TINF2: variants seen among roughly 807,000 people sequenced by gnomAD.
TINF2 encodes TERF1 interacting nuclear factor 2, also known as TERF1-interacting nuclear factor 2.
In TINF2, 27 loss-of-function variants were observed where a neutral mutation model predicts 50.4. The observed-to-expected ratio is 0.54, with a 90% CI of 0.40 to 0.74. The LOEUF (loss-of-function observed/expected upper bound fraction) is 0.74. Among genes scored for constraint, TINF2 ranks in the 30% least tolerant of loss-of-function variants. The pLI is 0.00. For synonymous variants in TINF2, 223 were observed against 214.6 expected (o/e 1.04, Z -0.34); for missense variants, 496 against 551.5 (o/e 0.90, Z 1.01).
intron 3 of TINF2, 173 bp downstream of exon 3, chr14:24,241,502 A>T (rs2040578108): frequency 1.3e-6 from 1 of 798,350 alleles, no homozygotes. Context: ...TTGTAATCCC[A>T]GCTACTCGGG....
chr14:24,241,386 T>C (rs1036437582), intron 3 of TINF2, 75 bp from the exon 4 acceptor site: 1 of 1,470,248 alleles, frequency 6.8e-7, no homozygotes, highest in African/African-American at 1.4e-5. Context: ...TCCTGGCCAT[T>C]TGGGAGGCCG....
Position 24,240,251 on chromosome 14 carries a change from C to CA in TINF2, c.1129+11dup. On this transcript the variant is annotated intron_variant, in intron 7 of 8. Transcript: ENST00000267415. ...GGAGGCTGTTGATCCAATCCTGACT[C>CA]AGACTACCTACCTGGCTTCCTGGCC... 1.9e-6 allele frequency: 3 copies of CA among 1,614,050 alleles called. No individual in the cohort carries two copies. Among genetic ancestry groups the CA allele is most frequent in the Non-Finnish European group, 2.5e-6 (3 of 1,180,008 alleles).
Position 24,240,661 on chromosome 14 carries a change from G to A in TINF2, c.819C>T (p.Ala273=), listed in dbSNP as rs376845893. The change falls in exon 6 of 9, where the codon GCC becomes GCT. Residue 273 remains alanine, a synonymous_variant. Coordinates refer to ENST00000267415, the MANE Select transcript of TINF2 (RefSeq NM_001099274.3). ...LGRRRVQSQW[A]STRGGHKERP... ...GCTCCTTATGGCCTCCCCTAGTGGA[G>A]GCCCATTGGGACTGAACTCTTCGTC... The A allele has an allele frequency of 1.3e-4, 217 of 1,614,070 alleles. No homozygotes were observed. Among genetic ancestry groups the A allele is most frequent in the Non-Finnish European group, 1.8e-4 (208 of 1,180,044 alleles).
chr14:24,242,156 C>T lies in TINF2; in HGVS notation c.177G>A (p.Met59Ile), dbSNP rs766400727. 1.2e-6 allele frequency: 2 copies of T among 1,614,146 alleles called. No homozygotes were observed. Among genetic ancestry groups the T allele is most frequent in the Non-Finnish European group, 1.7e-6 (2 of 1,180,050 alleles). Reference sequence around the variant, plus strand: ...GCTCCAATACCTTGGCCTTTAGGCCCATACAAAGGCGTTCGTGGTGCCGGT... The same window carrying T: ...GCTCCAATACCTTGGCCTTTAGGCCTATACAAAGGCGTTCGTGGTGCCGGT... ...VRYRHHERLC[M>I]GLKAKVVVEL... is the part of the protein sequence containing the mutation. Residue 59 changes from methionine (M) to isoleucine (I), a missense_variant, in exon 1 of 9, where the codon ATG becomes ATA. Physicochemically the swap from Met to Ile is conservative, Grantham distance 10 (BLOSUM62 1). This residue lies in a region of TINF2 where 314 missense variants were observed against 343.8 expected (regional missense o/e 0.91). Transcript: ENST00000267415.
At position 24,239,660 on chromosome 14, in the gene TINF2, TTTAA is replaced by T; in HGVS notation, c.*133_*136del. On this transcript the variant is annotated 3_prime_UTR_variant, in exon 9 of 9. Transcript: ENST00000267415. ...AGGCAGTATTTTAACAAATCCAAAGTTTAATTATTAAGGATTACAAATATTTTTA... is the reference window on the plus strand; with the variant it reads ...AGGCAGTATTTTAACAAATCCAAAGTTTATTAAGGATTACAAATATTTTTA... 6.4e-7 allele frequency: 1 copy of T among 1,567,022 alleles called. No individual in the cohort carries two copies. The highest frequency in any genetic ancestry group is 8.6e-7 in the Non-Finnish European group (1 of 1,159,766).
rs775877509 is a variant in TINF2, at chr14:24,241,880, G to A, written c.297+10C>T. On this transcript the variant is annotated intron_variant, in intron 2 of 8. Transcript: ENST00000267415. ...AACTGGGGTCAGGGCTTGTTCCGGG[G>A]ATTACTCACAGCCTTGGGATCCCGC... 2 of 1,614,176 alleles carry A rather than the reference G, an allele frequency of 1.2e-6. No homozygotes were observed. Among genetic ancestry groups the A allele is most frequent in the African/African-American group, 1.3e-5 (1 of 75,046 alleles).
intron 1 of TINF2, 64 bp downstream of exon 1, chr14:24,242,077 T>A: frequency 1.2e-6 from 2 of 1,614,102 alleles, no homozygotes; most frequent in Non-Finnish European, 8.5e-7. Flanking sequence ...TGTGGGCCCT[T>A]GTCAGGTGCT....
rs1408000106 is a variant in TINF2 at position 24,241,976 on chromosome 14, G to T, written c.211C>A (p.Leu71Met). ...ACTTGGGCCCAAGGCCGGCCCTGCAGGATCAGCTCCACCACCACCTGTACG... is the reference window on the plus strand; with the variant it reads ...ACTTGGGCCCAAGGCCGGCCCTGCATGATCAGCTCCACCACCACCTGTACG... ...LKAKVVVELI[L>M]QGRPWAQVLK... Residue 71 changes from leucine to methionine, a missense_variant, in exon 2 of 9, where the codon CTG (leucine) becomes ATG (methionine). Coordinates refer to ENST00000267415, the MANE Select transcript of TINF2 (RefSeq NM_001099274.3). 3 of 1,614,114 alleles carry T rather than the reference G, an allele frequency of 1.9e-6. No individual in the cohort carries two copies. In the Admixed American group the frequency reaches 5.0e-5, roughly 27 times the overall value.
intron 8 of TINF2, 26 bp from the exon 9 acceptor site, chr14:24,239,957 C>A: frequency 6.2e-7 from 1 of 1,614,156 alleles, no homozygotes; most frequent in Non-Finnish European, 8.5e-7. Flanking sequence ...CAGGGAGAGC[C>A]TACTATCCGA....
Position 24,240,052 on chromosome 14 carries a change from CT to C in TINF2, c.1221+11del, listed in dbSNP as rs772623109. On this transcript the variant is annotated intron_variant, in intron 8 of 8. Transcript: ENST00000267415. ...CATCCCCTTTCCCAGCTTTCTGCTC[CT>C]TCCCACTCACCTTTCCTTCCCCCTG... 2.5e-6 allele frequency: 4 copies of C among 1,614,076 alleles called. No homozygotes were observed. In the East Asian group the frequency reaches 8.9e-5, roughly 36 times the overall value.
chr14:24,242,095 C>T, intron 1 of TINF2, 46 bp downstream of exon 1: 1 of 1,614,110 alleles, frequency 6.2e-7, no homozygotes, highest in Non-Finnish European at 8.5e-7. Context: ...GCTCGCATCC[C>T]GCCCCTTTCT....
Position 24,242,607 on chromosome 14 carries a change from G to T in TINF2, c.-275C>A. The T allele has an allele frequency of 1.5e-6, 2 of 1,290,796 alleles. No individual in the cohort carries two copies. Among genetic ancestry groups the T allele is most frequent in the Non-Finnish European group, 9.8e-7 (1 of 1,016,604 alleles). 80.0% of individuals were successfully genotyped at this position (1,290,796 alleles called of 1,614,324 possible). ...CAGCTTTAAACGTCGCCGCTGTCTC[G>T]AGCCCGAGGGTGCCTCACTTCCGGC... is the stretch of plus-strand genomic sequence containing the variant. On this transcript the variant is annotated 5_prime_UTR_variant, in exon 1 of 9. Transcript: ENST00000267415.
chr14:24,240,987 A>C (rs756694485), intron 5 of TINF2, 33 bp downstream of exon 5: 1 of 1,614,064 alleles, frequency 6.2e-7, no homozygotes, highest in Admixed American at 1.7e-5. Context: ...AAAAGGTCTC[A>C]GGCTAAACAC....
Position 24,242,370 on chromosome 14 carries a change from TC to T in TINF2, c.-39del, listed in dbSNP as rs747371265. ...CCGCCCGGAGGCGGTCCCTCCGGGTTCCTCACCCGGATGGGTGAGGCTTTCC... is the reference window on the plus strand; with the variant it reads ...CCGCCCGGAGGCGGTCCCTCCGGGTTCTCACCCGGATGGGTGAGGCTTTCC... On this transcript the variant is annotated 5_prime_UTR_variant, in exon 1 of 9. Coordinates refer to ENST00000267415, the MANE Select transcript of TINF2 (RefSeq NM_001099274.3). 8 of 1,601,136 alleles carry T rather than the reference TC, an allele frequency of 5.0e-6. No homozygotes were observed. Among genetic ancestry groups the T allele is most frequent in the Non-Finnish European group, 6.8e-6 (8 of 1,175,444 alleles).
In TINF2 at chr14:24,242,144, G is replaced by C; in HGVS notation, c.189C>G (p.Ala63=). 1 of 1,614,206 alleles carries C rather than the reference G, an allele frequency of 6.2e-7. No homozygotes were observed. Among genetic ancestry groups the C allele is most frequent in the East Asian group, 2.2e-5 (1 of 44,878 alleles). Residue 63 remains alanine (A), a synonymous_variant, in exon 1 of 9, where the codon GCC becomes GCG. Transcript: ENST00000267415. ...CAGGTCCTACTTGCTCCAATACCTT[G>C]GCCTTTAGGCCCATACAAAGGCGTT... is the stretch of plus-strand genomic sequence containing the variant. The part of the protein sequence containing the change: ...HHERLCMGLK[A]KVVVELILQG...
intron 3 of TINF2, 84 bp from the exon 4 acceptor site, chr14:24,241,395 C>T (rs949102331): frequency 5.1e-6 from 7 of 1,364,628 alleles, no homozygotes; most frequent in Non-Finnish European, 6.3e-6. Context: ...TTTGGGAGGC[C>T]GAGGTGGGCG....
Position 24,242,582 on chromosome 14 carries a change from C to G in TINF2, c.-250G>C, listed in dbSNP as rs906470690. ...CCGTCTCCAGTGGCACTGGGTCGCT[C>G]AGCTTTAAACGTCGCCGCTGTCTCG... is the stretch of plus-strand genomic sequence containing the variant. On this transcript the variant is annotated 5_prime_UTR_variant, in exon 1 of 9. Transcript: ENST00000267415. 3 of 1,366,786 alleles carry G rather than the reference C, an allele frequency of 2.2e-6. No individual in the cohort carries two copies. Among genetic ancestry groups the G allele is most frequent in the African/African-American group, 2.9e-5 (2 of 68,338 alleles). 84.7% of individuals were successfully genotyped at this position (1,366,786 alleles called of 1,614,324 possible).
intron 8 of TINF2, 57 bp downstream of exon 8, chr14:24,240,006 AT>A: frequency 6.2e-7 from 1 of 1,614,090 alleles, no homozygotes; most frequent in Non-Finnish European, 8.5e-7. Flanking sequence ...AAGCATGTGG[AT>A]TTCTCAGTCT....
In TINF2 at chr14:24,240,663, C is replaced by T; in HGVS notation, c.817G>A (p.Ala273Thr). The T allele has an allele frequency of 1.2e-6, 2 of 1,614,156 alleles. No individual in the cohort carries two copies. The highest frequency in any genetic ancestry group is 1.7e-6 in the Non-Finnish European group (2 of 1,180,030). Reference sequence around the variant, plus strand: ...TCCTTATGGCCTCCCCTAGTGGAGGCCCATTGGGACTGAACTCTTCGTCGG... The same window carrying T: ...TCCTTATGGCCTCCCCTAGTGGAGGTCCATTGGGACTGAACTCTTCGTCGG... ...LGRRRVQSQW[A>T]STRGGHKERP... Residue 273 changes from alanine (A) to threonine (T), a missense_variant, in exon 6 of 9, where the codon GCC becomes ACC. Ala to Thr is a moderately conservative substitution (Grantham distance 58). Transcript: ENST00000267415.
Sources: allele counts gnomAD v4.1 joint callset, GRCh38; gene constraint gnomAD v4.1.1; regional missense constraint gnomAD v4.1.1; transcripts MANE v1.5; gene names NCBI Gene and HGNC (gene_info 2026-07-23, HGNC 2026-07-21).